CPEB3: variants seen among roughly 807,000 people sequenced by gnomAD.
CPEB3 encodes cytoplasmic polyadenylation element binding protein 3.
A neutral mutation model predicts 67.2 loss-of-function variants in CPEB3; 20 were observed. The ratio of observed to expected loss-of-function variants is 0.30; its 90% CI spans 0.21 to 0.43. CPEB3 has a LOEUF of 0.43. Ranked by LOEUF, CPEB3 falls within the 20% of genes least tolerant of loss-of-function variation. CPEB3 has a pLI of 1.00. For missense variants in CPEB3, 746 were observed against 968.6 expected, an observed-to-expected ratio of 0.77 and a Z score of 3.05; for synonymous variants, 376 against 393.1, an observed-to-expected ratio of 0.96 and a Z score of 0.51.
intron 7 of CPEB3, among the ~76,000 whole-genome samples, chr10:92,103,951 C>A (rs765928607): frequency 6.2e-4 from 95 of 152,240 alleles, no homozygotes; most frequent in Non-Finnish European, 1.3e-3. Flanking sequence ...GTTCAGGTTA[C>A]CTAAGTTTTT....
chr10:92,259,324 G>T (rs1398571624), intron 1 of CPEB3, among the ~76,000 whole-genome samples: 1 of 151,856 alleles, frequency 6.6e-6, no homozygotes, highest in African/African-American at 2.4e-5. Flanking sequence ...ATCTATGGCC[G>T]GGTGCGATGG....
intron 1 of CPEB3, among the ~76,000 whole-genome samples, chr10:92,263,084 G>A (rs1852881421): frequency 1.3e-5 from 2 of 152,028 alleles, no homozygotes; most frequent in Admixed American, 6.5e-5. Flanking sequence ...GCATTTTTTT[G>A]TTGTTGTTGG....
At chr10:92,290,869 T>A (rs1210397278) in intron 1 of CPEB3, 57 bp downstream of exon 1, 1 of 152,562 alleles carries the variant, frequency 6.6e-6, no homozygotes, top group Non-Finnish European at 1.5e-5. Flanking sequence ...CTCACCTGGC[T>A]CGGTCCCACC....
intron 3 of CPEB3, among the ~76,000 whole-genome samples, chr10:92,185,878 T>C (rs919853063): frequency 6.6e-6 from 1 of 152,188 alleles, no homozygotes; most frequent in African/African-American, 2.4e-5. Context: ...TAAATCTGTT[T>C]TAAGGAAATG....
At chr10:92,066,096 CA>C (rs1022042328) in intron 9 of CPEB3, among the ~76,000 whole-genome samples, 3 of 144,908 alleles carry the variant, frequency 2.1e-5, no homozygotes, top group Non-Finnish European at 1.5e-5. Context: ...GACCTCGTCT[CA>C]AAAAAAAAAG....
chr10:92,197,923 A>C (rs1435695619), intron 2 of CPEB3, among the ~76,000 whole-genome samples: 1 of 152,174 alleles, frequency 6.6e-6, no homozygotes, highest in Non-Finnish European at 1.5e-5. Context: ...CCTGGCCAAC[A>C]TAGTGAAACA....
In CPEB3 at chr10:92,052,198, G is replaced by C; in HGVS notation, c.*14C>G. ...TTATCTACTCCAGTACTTGTGGCTG[G>C]GTCGGCCCGTGGCTCAGCTCCAGCG... On this transcript the variant is annotated 3_prime_UTR_variant, in exon 10 of 10. Coordinates refer to ENST00000265997, the MANE Select transcript of CPEB3 (RefSeq NM_014912.5). 1 of 1,594,672 alleles carries C rather than the reference G, an allele frequency of 6.3e-7. No individual in the cohort carries two copies. The highest frequency in any genetic ancestry group is 8.6e-7 in the Non-Finnish European group (1 of 1,164,044).
At chr10:92,260,030 T>G (rs879326931) in intron 1 of CPEB3, among the ~76,000 whole-genome samples, 1 of 152,166 alleles carries the variant, frequency 6.6e-6, no homozygotes, top group Non-Finnish European at 1.5e-5. Flanking sequence ...TTTTGGCTCC[T>G]CACACAAGCA....
chr10:92,182,696 G>C (rs1224699389), intron 3 of CPEB3, among the ~76,000 whole-genome samples: 1 of 151,898 alleles, frequency 6.6e-6, no homozygotes, highest in African/African-American at 2.4e-5. Flanking sequence ...TGTGGTGGTG[G>C]ATGCCCATAA....
rs1314311303 is a variant in CPEB3, at chr10:92,050,080, A to T, written c.*2132T>A. 1 of 152,430 alleles carries T rather than the reference A, an allele frequency of 6.6e-6. No homozygotes were observed. Among genetic ancestry groups the T allele is most frequent in the African/African-American group, 2.4e-5 (1 of 41,420 alleles). 9.4% of individuals were successfully genotyped at this position (152,430 alleles called of 1,614,324 possible). On this transcript the variant is annotated 3_prime_UTR_variant, in exon 10 of 10. Transcript: ENST00000265997. ...TTTTTCCTTAAAAACAAAAAAAAAA[A>T]TCTGCCAACTTTTGAAAACTGTCTA...
intron 2 of CPEB3, among the ~76,000 whole-genome samples, chr10:92,209,899 GC>G (rs1181008722): frequency 7.3e-6 from 1 of 137,330 alleles, no homozygotes; most frequent in African/African-American, 2.7e-5. Flanking sequence ...CTGAGATCTT[GC>G]CACTGCATTC....
At chr10:92,159,606 A>G (rs1418702875) in intron 4 of CPEB3, among the ~76,000 whole-genome samples, 2 of 151,864 alleles carry the variant, frequency 1.3e-5, no homozygotes, top group African/African-American at 4.8e-5. Flanking sequence ...CAGGAGGTGG[A>G]GGTTGCAGTG....
At chr10:92,121,358 TATAA>T (rs968005251) in intron 6 of CPEB3, among the ~76,000 whole-genome samples, 2 of 146,650 alleles carry the variant, frequency 1.4e-5, no homozygotes, top group African/African-American at 5.0e-5. Flanking sequence ...CATATATATA[TATAA>T]AATATATTTT....
chr10:92,070,906 G>C (rs1233685210), intron 9 of CPEB3, among the ~76,000 whole-genome samples: 1 of 149,234 alleles, frequency 6.7e-6, no homozygotes, highest in African/African-American at 2.5e-5. Context: ...GATTTTGCCT[G>C]AAATATTTAA....
At chr10:92,094,133 G>A (rs2133326495) in intron 7 of CPEB3, among the ~76,000 whole-genome samples, 2 of 152,184 alleles carry the variant, frequency 1.3e-5, no homozygotes, top group South Asian at 4.2e-4. Context: ...GGGATTACGG[G>A]AGCGAGCCAC....
rs1034121723 is a variant in CPEB3, at chr10:92,258,573, G to T, written c.-11-18212C>A. Among the ~76,000 whole-genome samples, 54 of 138,402 alleles carry T rather than the reference G, an allele frequency of 3.9e-4. 1 individual carries two copies. Among genetic ancestry groups the T allele is most frequent in the African/African-American group, 1.4e-3 (52 of 36,234 alleles). 90.8% of individuals were successfully genotyped at this position (138,402 alleles called of 152,430 possible). On this transcript the variant is annotated intron_variant, in intron 1 of 9. Transcript: ENST00000265997. The stretch of plus-strand genomic sequence containing the variant: ...ATATTCCATAGGAATAGGAGAAAAA[G>T]ATGAGTAGCCTTCATCTATGTTCAG...
At chr10:92,058,592 CATATAT>C (rs58100356) in intron 9 of CPEB3, among the ~76,000 whole-genome samples, 4 of 140,388 alleles carry the variant, frequency 2.8e-5, no homozygotes, top group African/African-American at 1.2e-4. Flanking sequence ...TACATACATA[CATATAT>C]ATATATATAT....
intron 1 of CPEB3, among the ~76,000 whole-genome samples, chr10:92,270,705 A>G (rs1042322417): frequency 2.7e-5 from 4 of 150,658 alleles, no homozygotes; most frequent in Non-Finnish European, 5.9e-5. Flanking sequence ...TGGGACTACA[A>G]GTGCGCACCA....
intron 9 of CPEB3, among the ~76,000 whole-genome samples, chr10:92,058,939 A>T (rs1057396745): frequency 6.6e-6 from 1 of 152,214 alleles, no homozygotes; most frequent in Admixed American, 6.5e-5. Flanking sequence ...GTAAGTCTTA[A>T]AACATTCAAA....
Sources: allele counts gnomAD v4.1 joint callset (sites outside exome capture counted in the v4.1 genomes callset), GRCh38; gene constraint gnomAD v4.1.1; transcripts MANE v1.5; gene names NCBI Gene and HGNC (gene_info 2026-07-23, HGNC 2026-07-21).